Variants in CNTNAP4 observed in about 807,000 individuals in gnomAD.
CNTNAP4 encodes contactin associated protein family member 4.
Under a neutral mutation model 148.4 loss-of-function variants are expected in CNTNAP4, and 98 were observed. The observed-to-expected ratio is 0.66, with a 90% CI of 0.56 to 0.78. CNTNAP4 has a LOEUF of 0.78. CNTNAP4 is among the 30% of genes least tolerant of loss of function. The pLI is 0.00. For missense variants in CNTNAP4, 1,935 were observed against 1,565.6 expected (o/e 1.24, Z -3.98); for synonymous variants, 730 against 565.1 (o/e 1.29, Z -4.14).
At chr16:76,286,898 A>G (rs1248401161) in intron 1 of CNTNAP4, among the ~76,000 whole-genome samples, 3 of 152,200 alleles carry the variant, frequency 2.0e-5, no homozygotes, top group Non-Finnish European at 2.9e-5. Flanking sequence ...CTAAAATAAA[A>G]GCAATTCTAT....
intron 3 of CNTNAP4, among the ~76,000 whole-genome samples, chr16:76,374,317 C>T (rs748336921): frequency 2.6e-5 from 4 of 152,090 alleles, no homozygotes; most frequent in Non-Finnish European, 5.9e-5. Flanking sequence ...TTTATTTTAG[C>T]GAGTTTGTGG....
chr16:76,448,300 GCAGT>G (rs1405726243), intron 5 of CNTNAP4, 85 bp downstream of exon 5: 11 of 923,290 alleles, frequency 1.2e-5, no homozygotes. Context: ...TTATCTTTTA[GCAGT>G]CAGAGTGCCT....
chr16:76,350,524 A>G (rs1965284005), intron 2 of CNTNAP4, among the ~76,000 whole-genome samples: 1 of 152,226 alleles, frequency 6.6e-6, no homozygotes, highest in Non-Finnish European at 1.5e-5. Flanking sequence ...CAAGTCCCTC[A>G]GAAATCTGAT....
At chr16:76,320,790 G>GT (rs1962325955) in intron 2 of CNTNAP4, among the ~76,000 whole-genome samples, 1 of 152,150 alleles carries the variant, frequency 6.6e-6, no homozygotes, top group Non-Finnish European at 1.5e-5. Context: ...CTGAACGTAA[G>GT]TCTTTATTTT....
At chr16:76,406,825 G>C (rs547645821) in intron 3 of CNTNAP4, among the ~76,000 whole-genome samples, 1 of 152,284 alleles carries the variant, frequency 6.6e-6, no homozygotes, top group Admixed American at 6.5e-5. Flanking sequence ...GTTGGTTCAT[G>C]AGGTTCAAGA....
chr16:76,408,425 A>G (rs1380115489), intron 3 of CNTNAP4, among the ~76,000 whole-genome samples: 1 of 134,910 alleles, frequency 7.4e-6, no homozygotes, highest in Non-Finnish European at 1.5e-5. Context: ...ACCACCACCC[A>G]CATTCACTAG....
At chr16:76,503,874 AT>A (rs2082742028) in intron 15 of CNTNAP4, among the ~76,000 whole-genome samples, 1 of 152,130 alleles carries the variant, frequency 6.6e-6, no homozygotes, top group South Asian at 2.1e-4. Context: ...TATAAATGAT[AT>A]TTTAAAAGTA....
At chr16:76,378,215 C>T (rs1203140932) in intron 3 of CNTNAP4, among the ~76,000 whole-genome samples, 1 of 152,018 alleles carries the variant, frequency 6.6e-6, no homozygotes, top group Non-Finnish European at 1.5e-5. Context: ...ACACTAAAAG[C>T]CCAGAACTCA....
At chr16:76,374,586 G>C (rs1290383941) in intron 3 of CNTNAP4, among the ~76,000 whole-genome samples, 1 of 151,840 alleles carries the variant, frequency 6.6e-6, no homozygotes, top group Non-Finnish European at 1.5e-5. Flanking sequence ...CAGCCTTCTT[G>C]TTCTCATAAA....
At chr16:76,385,574 G>GTGTGTA (rs1419583774) in intron 3 of CNTNAP4, among the ~76,000 whole-genome samples, 1 of 149,924 alleles carries the variant, frequency 6.7e-6, no homozygotes, top group Non-Finnish European at 1.5e-5. Flanking sequence ...GTGTGTGTGT[G>GTGTGTA]TGTAGAGAGA....
intron 3 of CNTNAP4, among the ~76,000 whole-genome samples, chr16:76,383,771 C>A (rs150170841): frequency 1.1e-3 from 169 of 152,178 alleles, no homozygotes; most frequent in African/African-American, 3.9e-3. Flanking sequence ...AATATGATGT[C>A]TGGGACTGAA....
chr16:76,538,380 A>G, intron 19 of CNTNAP4, 40 bp downstream of exon 19: 4 of 1,392,448 alleles, frequency 2.9e-6, no homozygotes, highest in Non-Finnish European at 4.1e-6. Flanking sequence ...ATTAAATTAG[A>G]ACACTAGCTC....
intron 17 of CNTNAP4, among the ~76,000 whole-genome samples, chr16:76,528,247 GT>G (rs1316359361): frequency 6.6e-6 from 1 of 152,030 alleles, no homozygotes; most frequent in African/African-American, 2.4e-5. Flanking sequence ...TTAGCATTAA[GT>G]TTTTTGAGAT....
intron 3 of CNTNAP4, among the ~76,000 whole-genome samples, chr16:76,392,822 G>A (rs1480491422): frequency 6.6e-6 from 1 of 152,136 alleles, no homozygotes; most frequent in East Asian, 1.9e-4. Context: ...CTTGTGCAAA[G>A]ATGTCCCGAG....
intron 21 of CNTNAP4, among the ~76,000 whole-genome samples, chr16:76,542,701 C>T (rs2084515216): frequency 6.6e-6 from 1 of 152,142 alleles, no homozygotes; most frequent in South Asian, 2.1e-4. Context: ...TTATTCTGTC[C>T]TCACTTAAGC....
intron 3 of CNTNAP4, among the ~76,000 whole-genome samples, chr16:76,393,054 G>A (rs2078081326): frequency 6.6e-6 from 1 of 152,156 alleles, no homozygotes; most frequent in African/African-American, 2.4e-5. Context: ...ATTGTATTCT[G>A]ACATTGAGCT....
At position 76,530,902 on chromosome 16, in the gene CNTNAP4, A is replaced by G. The variant is rs115510045; in HGVS notation, c.2756-4643A>G. 6.8e-3 allele frequency among the ~76,000 whole-genome samples: 1,042 copies of G among 152,274 alleles called. 12 individuals carry two copies. The highest frequency in any genetic ancestry group is 0.024 in the African/African-American group (995 of 41,554). On this transcript the variant is annotated intron_variant, in intron 17 of 23. Transcript: ENST00000611870. ...GGAAGCGAACAGGGTTGACGGTCCA[A>G]TGCTTGACATATAGAAGACAACTTT...
chr16:76,423,838 G>A (rs145396010), intron 3 of CNTNAP4, among the ~76,000 whole-genome samples: 3 of 152,194 alleles, frequency 2.0e-5, no homozygotes, highest in African/African-American at 7.2e-5. Context: ...ACTGGCATTA[G>A]AAAGTTATTT....
intron 3 of CNTNAP4, among the ~76,000 whole-genome samples, chr16:76,418,995 C>G (rs769084199): frequency 6.6e-6 from 1 of 151,894 alleles, no homozygotes; most frequent in Non-Finnish European, 1.5e-5. Context: ...AGTCTTTCAA[C>G]TGTTATCCAG....
Sources: gnomAD v4.1 joint callset for allele counts (sites outside exome capture counted in the v4.1 genomes callset) on GRCh38, gnomAD v4.1.1 for gene constraint, MANE v1.5 for transcripts, NCBI Gene and HGNC (gene_info 2026-07-23, HGNC 2026-07-21) for gene names.